The following PTPRN2 variants were observed in gnomAD, a reference collection of about 807,000 sequenced individuals.
PTPRN2 encodes the protein receptor-type tyrosine-protein phosphatase N2.
Under a neutral mutation model 118.8 loss-of-function variants are expected in PTPRN2, and 74 were observed. The ratio of observed to expected loss-of-function variants is 0.62; its 90% CI spans 0.52 to 0.76. The LOEUF (loss-of-function observed/expected upper bound fraction) is 0.76. Among genes scored for constraint, PTPRN2 ranks in the 30% least tolerant of loss-of-function variants. The pLI is 0.00. For synonymous variants in PTPRN2, 641 were observed against 608.0 expected (o/e 1.05, Z -0.80); for missense variants, 1,481 against 1,394.4 (o/e 1.06, Z -0.99).
intron 20 of PTPRN2, among the ~76,000 whole-genome samples, chr7:157,570,261 A>G (rs1585045453): frequency 1.3e-5 from 2 of 152,068 alleles, no homozygotes; most frequent in African/African-American, 2.4e-5. Context: ...ATATATTCAC[A>G]TGAATATTTT....
At chr7:158,057,330 T>G (rs968521667) in intron 11 of PTPRN2, among the ~76,000 whole-genome samples, 1 of 152,220 alleles carries the variant, frequency 6.6e-6, no homozygotes, top group African/African-American at 2.4e-5. Context: ...ATGACTGTTC[T>G]GCTAGAATCG....
At chr7:157,630,125 T>G (rs1803848774) in intron 14 of PTPRN2, among the ~76,000 whole-genome samples, 1 of 152,204 alleles carries the variant, frequency 6.6e-6, no homozygotes, top group African/African-American at 2.4e-5. Flanking sequence ...TCGATGAGGT[T>G]GATTGTCCTG....
intron 12 of PTPRN2, among the ~76,000 whole-genome samples, chr7:157,704,355 C>T (rs117428634): frequency 3.1e-3 from 474 of 152,312 alleles, no homozygotes; most frequent in Non-Finnish European, 5.5e-3. Context: ...CTAGGAGCTC[C>T]GACCTTGGTT....
rs1563390214 is a variant in PTPRN2 at position 158,071,277 on chromosome 7, CCCGTG to C, written c.1723+10016_1723+10020del. Reference sequence around the variant, plus strand: ...GGAGGTGCCCGTGGTGGTGGAGGTGCCCGTGGTGGTGGAGGTGCTCGTGGTGGAGG... The same window carrying C: ...GGAGGTGCCCGTGGTGGTGGAGGTGCGTGGTGGAGGTGCTCGTGGTGGAGG... On this transcript the variant is annotated intron_variant, in intron 11 of 22. Transcript: ENST00000389418. 6.4e-5 allele frequency among the ~76,000 whole-genome samples: 6 copies of C among 93,284 alleles called. 1 individual carries two copies. The highest frequency in any genetic ancestry group is 1.1e-4 in the Admixed American group (1 of 8,898). 61.2% of individuals were successfully genotyped at this position (93,284 alleles called of 152,430 possible).
In PTPRN2 at chr7:157,841,809, C is replaced by T. The variant is rs62476426; in HGVS notation, c.1788+56864G>A. ...ATTGCAGCGTTCGGGGTGCTGGGGA[C>T]GTCCTCTCTGGTTATCAGGAGAACA... On this transcript the variant is annotated intron_variant, in intron 12 of 22. Coordinates refer to ENST00000389418, the MANE Select transcript of PTPRN2 (RefSeq NM_002847.5). 6.2e-3 allele frequency among the ~76,000 whole-genome samples: 951 copies of T among 152,286 alleles called. 56 individuals carry two copies. In the East Asian group the frequency reaches 0.14, roughly 23 times the overall value.
intron 1 of PTPRN2, among the ~76,000 whole-genome samples, chr7:158,531,648 G>A (rs1243208938): frequency 6.6e-6 from 1 of 152,236 alleles, no homozygotes; most frequent in Non-Finnish European, 1.5e-5. Flanking sequence ...GAGAGGAGGA[G>A]GCTGAAGCAA....
chr7:158,111,747 G>A (rs1467195093), intron 9 of PTPRN2, among the ~76,000 whole-genome samples: 3 of 151,348 alleles, frequency 2.0e-5, no homozygotes, highest in African/African-American at 7.3e-5. Context: ...TGCCCTCGAG[G>A]GGTTCACATT....
At chr7:157,644,313 A>G (rs1367227039) in intron 14 of PTPRN2, among the ~76,000 whole-genome samples, 1 of 152,212 alleles carries the variant, frequency 6.6e-6, no homozygotes, top group African/African-American at 2.4e-5. Context: ...CAGGAGGAAC[A>G]AGCCCTGCCT....
At chr7:157,875,041 A>G (rs911671664) in intron 12 of PTPRN2, among the ~76,000 whole-genome samples, 2 of 151,886 alleles carry the variant, frequency 1.3e-5, no homozygotes, top group African/African-American at 4.8e-5. Flanking sequence ...AGACACACAC[A>G]CGCGCACACA....
At chr7:158,046,829 T>C (rs1299748668) in intron 11 of PTPRN2, among the ~76,000 whole-genome samples, 1 of 152,196 alleles carries the variant, frequency 6.6e-6, no homozygotes, top group Non-Finnish European at 1.5e-5. Context: ...TCATCTGCCA[T>C]TGAGGCGCCG....
intron 5 of PTPRN2, among the ~76,000 whole-genome samples, chr7:158,169,294 G>A (rs979763279): frequency 3.9e-5 from 6 of 152,110 alleles, no homozygotes; most frequent in Non-Finnish European, 7.4e-5. Flanking sequence ...CCAGGCTGGA[G>A]TGAAGTGGCA....
At chr7:158,175,174 C>T (rs1377410120) in intron 5 of PTPRN2, among the ~76,000 whole-genome samples, 1 of 152,230 alleles carries the variant, frequency 6.6e-6, no homozygotes, top group Admixed American at 6.5e-5. Flanking sequence ...GACCACATAA[C>T]ACACGTTTTC....
chr7:158,472,999 GGGTTTTA>G (rs375644760), intron 2 of PTPRN2, among the ~76,000 whole-genome samples: 105,844 of 151,948 alleles, frequency 0.7, 37,055 homozygotes, highest in Admixed American at 0.78. Context: ...AATTAGTTAT[GGGTTTTA>G]CCCACGCACC....
intron 14 of PTPRN2, among the ~76,000 whole-genome samples, chr7:157,639,801 G>C (rs149288664): frequency 2.6e-5 from 4 of 152,288 alleles, no homozygotes; most frequent in African/African-American, 9.6e-5. Context: ...TTAGCAAATG[G>C]GTGTGCTCAC....
At chr7:158,367,590 C>G (rs937375039) in intron 2 of PTPRN2, among the ~76,000 whole-genome samples, 2 of 152,160 alleles carry the variant, frequency 1.3e-5, no homozygotes, top group African/African-American at 4.8e-5. Context: ...TAGCTCTCCG[C>G]GGGCGAAGGA....
At chr7:157,704,741 C>T (rs1254033786) in intron 12 of PTPRN2, among the ~76,000 whole-genome samples, 1 of 152,260 alleles carries the variant, frequency 6.6e-6, no homozygotes, top group Non-Finnish European at 1.5e-5. Context: ...CATCTGTATT[C>T]ACTGCAGTTT....
chr7:158,278,273 C>T (rs1799166837), intron 3 of PTPRN2, among the ~76,000 whole-genome samples: 1 of 151,728 alleles, frequency 6.6e-6, no homozygotes, highest in African/African-American at 2.4e-5. Context: ...CCTCTGACCC[C>T]AGGGAGGAGG....
At chr7:158,011,944 T>G (rs1806078121) in intron 11 of PTPRN2, among the ~76,000 whole-genome samples, 3 of 152,240 alleles carry the variant, frequency 2.0e-5, no homozygotes, top group Admixed American at 2.0e-4. Context: ...TTCTTTCTTT[T>G]TTTGGTTGAA....
Position 157,676,393 on chromosome 7 carries a change from ACCT to A in PTPRN2, c.2001+6329_2001+6331del, listed in dbSNP as rs1796670201. Among the ~76,000 whole-genome samples the A allele has an allele frequency of 1.3e-5, 2 of 152,014 alleles. No homozygotes were observed. The highest frequency in any genetic ancestry group is 1.3e-4 in the Admixed American group (2 of 15,266). ...ATTTGATTTCAGTTTCACACGAATC[ACCT>A]CCTAGTGATGCGTGGACTAATGCTG... is the stretch of plus-strand genomic sequence containing the variant. On this transcript the variant is annotated intron_variant, in intron 13 of 22. Coordinates refer to ENST00000389418, the MANE Select transcript of PTPRN2 (RefSeq NM_002847.5). This position sits in a 1 kb window ranked among gnomAD's most constrained non-coding sequence, Gnocchi z 5.6.
Sources: gnomAD v4.1 joint callset for allele counts (sites outside exome capture counted in the v4.1 genomes callset) on GRCh38, gnomAD v4.1.1 for gene constraint, Gnocchi (gnomAD v3.1) non-coding constraint, MANE v1.5 for transcripts, NCBI Gene and HGNC (gene_info 2026-07-23, HGNC 2026-07-21) for gene names.